TBC1D12: variants seen among roughly 807,000 people sequenced by gnomAD.
TBC1D12 encodes TBC1 domain family member 12, also known as TBC1 domain family, member 12.
A neutral mutation model predicts 86.7 loss-of-function variants in TBC1D12; 56 were observed. The observed-to-expected ratio is 0.65, with a 90% CI of 0.52 to 0.81. TBC1D12 has a LOEUF of 0.81. TBC1D12 is among the 30% of genes least tolerant of loss of function. TBC1D12 has a pLI of 0.00. For missense variants in TBC1D12, 1,023 were observed against 1,038.8 expected, an observed-to-expected ratio of 0.98 and a Z score of 0.21; for synonymous variants, 421 against 411.7, an observed-to-expected ratio of 1.02 and a Z score of -0.27.
chr10:94,517,222 A>G lies in TBC1D12; in HGVS notation c.1762-4733A>G, dbSNP rs1224623845. ...CCAAAATCCTGTCTCTACTAAAAAT[A>G]CAAAAATTACATGGGTGTGGAGGCG... On this transcript the variant is annotated intron_variant, in intron 9 of 12. Coordinates refer to ENST00000225235, the MANE Select transcript of TBC1D12 (RefSeq NM_015188.2). Among the ~76,000 whole-genome samples the G allele has an allele frequency of 4.6e-5, 7 of 152,164 alleles. No homozygotes were observed. In the East Asian group the frequency reaches 1.4e-3, roughly 29 times the overall value.
chr10:94,456,209 A>G (rs1025499238), intron 2 of TBC1D12, among the ~76,000 whole-genome samples: 1 of 151,876 alleles, frequency 6.6e-6, no homozygotes, highest in South Asian at 2.1e-4. Flanking sequence ...TTTTCTGCTT[A>G]CTTTGTAATT....
rs1161502100 is a variant in TBC1D12 at position 94,534,842 on chromosome 10, T to G, written c.*1746T>G. The stretch of plus-strand genomic sequence containing the variant: ...GATGAAGGAGGTGGTATGCCTGGCT[T>G]AACTGCTGAAAATAGAGCATTGAAA... On this transcript the variant is annotated 3_prime_UTR_variant, in exon 13 of 13. Coordinates refer to ENST00000225235, the MANE Select transcript of TBC1D12 (RefSeq NM_015188.2). The G allele has an allele frequency of 6.6e-6, 1 of 152,180 alleles. No homozygotes were observed. The highest frequency in any genetic ancestry group is 1.5e-5 in the Non-Finnish European group (1 of 68,034). 9.4% of individuals were successfully genotyped at this position (152,180 alleles called of 1,614,324 possible).
intron 2 of TBC1D12, among the ~76,000 whole-genome samples, chr10:94,473,449 A>G (rs1282323219): frequency 1.3e-5 from 2 of 152,186 alleles, no homozygotes; most frequent in Admixed American, 6.5e-5. Flanking sequence ...TGATTGCCCA[A>G]TTGAGTAAGG....
In TBC1D12 at chr10:94,491,376, C is replaced by T. The variant is rs191593135; in HGVS notation, c.1212-1989C>T. On this transcript the variant is annotated intron_variant, in intron 3 of 12. Transcript: ENST00000225235. ...TAGCCTGTTGAAAAGAAAAGACTGACTCCTAAAACTGGACACTATTATGAT... is the reference window on the plus strand; with the variant it reads ...TAGCCTGTTGAAAAGAAAAGACTGATTCCTAAAACTGGACACTATTATGAT... Among the ~76,000 whole-genome samples, 849 of 152,314 alleles carry T rather than the reference C, an allele frequency of 5.6e-3. 7 individuals carry two copies. The highest frequency in any genetic ancestry group is 7.2e-3 in the Non-Finnish European group (488 of 68,024).
intron 1 of TBC1D12, among the ~76,000 whole-genome samples, chr10:94,426,224 T>C (rs1367523457): frequency 6.6e-6 from 1 of 152,226 alleles, no homozygotes; most frequent in Non-Finnish European, 1.5e-5. Flanking sequence ...TGGACATCAT[T>C]ATCTGGTTTC....
At chr10:94,409,269 C>T (rs2134047519) in intron 1 of TBC1D12, among the ~76,000 whole-genome samples, 1 of 152,082 alleles carries the variant, frequency 6.6e-6, no homozygotes, top group Non-Finnish European at 1.5e-5. Flanking sequence ...GATGTGATAA[C>T]CTGAATACAA....
At chr10:94,472,784 C>T (rs973715134) in intron 2 of TBC1D12, among the ~76,000 whole-genome samples, 1 of 151,992 alleles carries the variant, frequency 6.6e-6, no homozygotes, top group Admixed American at 6.6e-5. Flanking sequence ...TGATTATGAA[C>T]GGCTGTATGG....
intron 11 of TBC1D12, among the ~76,000 whole-genome samples, chr10:94,523,586 A>G (rs1157205450): frequency 6.6e-6 from 1 of 152,156 alleles, no homozygotes; most frequent in Non-Finnish European, 1.5e-5. Flanking sequence ...TGTAAATACG[A>G]TATACTTTCT....
chr10:94,486,142 T>C (rs541353496), intron 3 of TBC1D12, among the ~76,000 whole-genome samples: 93 of 139,994 alleles, frequency 6.6e-4, no homozygotes, highest in African/African-American at 2.1e-3. Flanking sequence ...TCTTCTTCTT[T>C]TTTTTTTTTT....
chr10:94,455,187 GA>G (rs1174400399), intron 2 of TBC1D12, among the ~76,000 whole-genome samples: 1 of 150,938 alleles, frequency 6.6e-6, no homozygotes, highest in Non-Finnish European at 1.5e-5. Flanking sequence ...TAAATTAATT[GA>G]TTTTTTTTTT....
chr10:94,496,803 A>T (rs1330012498), intron 4 of TBC1D12, among the ~76,000 whole-genome samples: 1 of 152,202 alleles, frequency 6.6e-6, no homozygotes, highest in Non-Finnish European at 1.5e-5. Flanking sequence ...GTTCAAGGCC[A>T]CCTGAGCAAC....
chr10:94,475,161 G>T (rs935236213), intron 3 of TBC1D12, among the ~76,000 whole-genome samples: 1 of 152,112 alleles, frequency 6.6e-6, no homozygotes, highest in Non-Finnish European at 1.5e-5. Flanking sequence ...TAAAGTATTG[G>T]CTCTTTATGT....
At chr10:94,418,941 C>A (rs1377794387) in intron 1 of TBC1D12, among the ~76,000 whole-genome samples, 1 of 151,256 alleles carries the variant, frequency 6.6e-6, no homozygotes, top group African/African-American at 2.4e-5. Context: ...GTGGCGCGAT[C>A]TCGGCTCACT....
At chr10:94,469,774 T>C (rs1435564192) in intron 2 of TBC1D12, among the ~76,000 whole-genome samples, 1 of 152,096 alleles carries the variant, frequency 6.6e-6, no homozygotes, top group Non-Finnish European at 1.5e-5. Flanking sequence ...GATGGGGCAC[T>C]TTCTTTTCTA....
intron 1 of TBC1D12, among the ~76,000 whole-genome samples, chr10:94,425,414 A>G (rs2055132430): frequency 6.6e-6 from 1 of 152,220 alleles, no homozygotes; most frequent in African/African-American, 2.4e-5. Flanking sequence ...ATGTCAGTTT[A>G]AAAAAGAAAA....
At chr10:94,506,938 G>C (rs1000859711) in intron 6 of TBC1D12, among the ~76,000 whole-genome samples, 5 of 152,148 alleles carry the variant, frequency 3.3e-5, no homozygotes, top group African/African-American at 9.7e-5. Context: ...GATAGTAAAT[G>C]GCAGAGCCAG....
chr10:94,424,183 C>A (rs1471769156), intron 1 of TBC1D12, among the ~76,000 whole-genome samples: 1 of 151,952 alleles, frequency 6.6e-6, no homozygotes, highest in Non-Finnish European at 1.5e-5. Flanking sequence ...GAATCAGTCC[C>A]CCACAGATAC....
At position 94,424,115 on chromosome 10, in the gene TBC1D12, A is replaced by T. The variant is rs898422574; in HGVS notation, c.972-17781A>T. ...TGTATAGGTTATATGCAAATAGTGC[A>T]CCAGTTTATATAAGGGACTTGAACA... On this transcript the variant is annotated intron_variant, in intron 1 of 12. Transcript: ENST00000225235. 5.9e-5 allele frequency among the ~76,000 whole-genome samples: 9 copies of T among 152,354 alleles called. No homozygotes were observed. The East Asian group carries it at 1.7e-3, about 29-fold the overall frequency.
At chr10:94,516,557 T>G (rs1009778410) in intron 9 of TBC1D12, among the ~76,000 whole-genome samples, 3 of 127,074 alleles carry the variant, frequency 2.4e-5, no homozygotes, top group African/African-American at 8.9e-5. Context: ...CCTAATGCTA[T>G]CCCTCCCCCC....
Sources: allele counts gnomAD v4.1 joint callset (sites outside exome capture counted in the v4.1 genomes callset), GRCh38; gene constraint gnomAD v4.1.1; transcripts MANE v1.5; gene names NCBI Gene and HGNC (gene_info 2026-07-23, HGNC 2026-07-21).